The following DST variants were observed in gnomAD, a reference collection of about 807,000 sequenced individuals.
The protein encoded by DST is bullous pemphigoid antigen.
DST carries 253 observed loss-of-function variants against 875.2 expected under a neutral mutation model. The observed-to-expected ratio is 0.29, with a 90% confidence interval of 0.26 to 0.32. The LOEUF (loss-of-function observed/expected upper bound fraction) is 0.32, where lower values mean the gene tolerates loss of function less well. Among genes scored for constraint, DST ranks in the 10% least tolerant of loss-of-function variants. The pLI is 1.00. For missense variants in DST, 8,287 were observed against 9,111.6 expected (o/e 0.91, Z 3.68); for synonymous variants, 3,124 against 3,197.1 (o/e 0.98, Z 0.77).
At chr6:56,882,632 A>T (rs1782752863) in intron 3 of DST, among the ~76,000 whole-genome samples, 1 of 152,266 alleles carries the variant, frequency 6.6e-6, no homozygotes, top group Admixed American at 6.5e-5. Flanking sequence ...AGAGAGTCAC[A>T]TAATGGCATG....
intron 2 of DST, among the ~76,000 whole-genome samples, chr6:56,902,697 C>T (rs896992889): frequency 1.3e-5 from 2 of 152,206 alleles, no homozygotes; most frequent in African/African-American, 2.4e-5. Flanking sequence ...AGCTGGTCCT[C>T]TTCAACCGAA....
At chr6:56,817,682 A>G (rs1443518737) in intron 4 of DST, among the ~76,000 whole-genome samples, 4 of 152,170 alleles carry the variant, frequency 2.6e-5, no homozygotes, top group Non-Finnish European at 4.4e-5. Context: ...TGATTTCTCT[A>G]AAGGTTGCAG....
intron 74 of DST, among the ~76,000 whole-genome samples, chr6:56,509,427 T>C (rs1037732609): frequency 6.6e-6 from 1 of 152,206 alleles, no homozygotes. Flanking sequence ...ACATGGTCTA[T>C]GTATAATGGC....
chr6:56,908,098 T>TATATATATATATATATACACACACACAC (rs148958146), intron 2 of DST, among the ~76,000 whole-genome samples: 7 of 150,614 alleles, frequency 4.6e-5, no homozygotes, highest in African/African-American at 1.7e-4. Flanking sequence ...TATATATATA[T>TATATATATATATATATACACACACACAC]ACACACACAC....
chr6:56,801,171 T>C (rs993404095), intron 4 of DST, among the ~76,000 whole-genome samples: 1 of 152,210 alleles, frequency 6.6e-6, no homozygotes, highest in Non-Finnish European at 1.5e-5. Flanking sequence ...ACTCCAGATT[T>C]TATATGGATT....
At chr6:56,703,797 C>A (rs1368128953) in intron 6 of DST, 51 bp from the exon 7 acceptor site, 1 of 664,662 alleles carries the variant, frequency 1.5e-6, no homozygotes, top group African/African-American at 2.0e-5. Flanking sequence ...CAAGACAGAC[C>A]AGAAATGAAA....
rs774799170 is a variant in DST, at chr6:56,463,060, C to T, written c.23056G>A (p.Val7686Met). ...CCTTACAATACCTCTGCAGATGGCA[C>T]GGGAAAGTCTGAGCACTCTGCTGCT... Reference protein sequence around the residue: ...CKAAECSDFPVPSAEGTPIQG... With the variant: ...CKAAECSDFPMPSAEGTPIQG... Residue 7686 changes from valine (V) to methionine (M), a missense_variant, in exon 102 of 104, where the codon GTG becomes ATG. Val to Met is a conservative substitution (Grantham distance 21). Transcript: ENST00000680361. 1.6e-5 allele frequency: 26 copies of T among 1,609,584 alleles called. No homozygotes were observed. The highest frequency in any genetic ancestry group is 6.6e-5 in the South Asian group (6 of 90,518).
intron 5 of DST, among the ~76,000 whole-genome samples, chr6:56,706,998 CT>C (rs2099343702): frequency 1.3e-5 from 2 of 152,176 alleles, no homozygotes; most frequent in South Asian, 4.1e-4. Flanking sequence ...GAGTGAGATT[CT>C]GTCTCAAAAA....
At chr6:56,818,676 A>G (rs2099769532) in intron 4 of DST, among the ~76,000 whole-genome samples, 1 of 152,200 alleles carries the variant, frequency 6.6e-6, no homozygotes, top group Non-Finnish European at 1.5e-5. Flanking sequence ...TAAAATTCAG[A>G]GTAATATAAC....
intron 36 of DST, chr6:56,618,849 CTATGGTCTTT>C: frequency 6.2e-7 from 1 of 1,614,116 alleles, no homozygotes; most frequent in East Asian, 2.2e-5. Context: ...ATCTGCTCCT[CTATGGTCTTT>C]AAGTGTAATT....
In DST at chr6:56,593,753, G is replaced by A. The variant is rs74609186; in HGVS notation, c.12636C>T (p.Asp4212=). Residue 4212 remains aspartate (D), a synonymous_variant, in exon 48 of 104, where the codon GAC becomes GAT. Transcript: ENST00000680361. The part of the protein sequence containing the change: ...LEAAKSCSKR[D]GGKVDTSATH... ...TTGCAGAAGTATCAACCTTGCCACCGTCTCTCTTGCTGCAAGATTTGGCAG... is the reference window on the plus strand; with the variant it reads ...TTGCAGAAGTATCAACCTTGCCACCATCTCTCTTGCTGCAAGATTTGGCAG... The A allele has an allele frequency of 8.4e-4, 1,352 of 1,613,808 alleles. 19 individuals carry two copies. The East Asian group carries it at 0.026, about 31-fold the overall frequency.
In DST at chr6:56,460,152, T is replaced by C. The variant is rs2152370299; in HGVS notation, c.23173A>G (p.Arg7725Gly). The C allele has an allele frequency of 6.2e-7, 1 of 1,613,666 alleles. No homozygotes were observed. Among genetic ancestry groups the C allele is most frequent in the Non-Finnish European group, 8.5e-7 (1 of 1,179,606 alleles). ...TCACCAGCAAACTGTGTTCGGACTC[T>C]GGCAGCTGCAGTTGTTATCAAGCCA... ...DSGLITTAAA[R>G]VRTQFADSKK... is the part of the protein sequence containing the mutation. Residue 7725 changes from arginine to glycine, a missense_variant, in exon 103 of 104, where the codon AGA becomes GGA. Physicochemically the swap from Arg to Gly is moderately radical, Grantham distance 125. Transcript: ENST00000680361.
chr6:56,880,054 G>A (rs1180058121), intron 3 of DST, among the ~76,000 whole-genome samples: 2 of 152,234 alleles, frequency 1.3e-5, no homozygotes, highest in Non-Finnish European at 2.9e-5. Context: ...AGAGTATCCA[G>A]AAAGGTACTT....
intron 61 of DST, among the ~76,000 whole-genome samples, chr6:56,548,684 A>G (rs1181477518): frequency 6.6e-6 from 1 of 152,184 alleles, no homozygotes; most frequent in Non-Finnish European, 1.5e-5. Context: ...CCACCAATTT[A>G]TAACAGTGTG....
chr6:56,464,017 C>A, intron 100 of DST: 1 of 555,166 alleles, frequency 1.8e-6, no homozygotes, highest in Non-Finnish European at 3.3e-6. Flanking sequence ...TAGACACCAG[C>A]AAGAATAACC....
chr6:56,546,636 T>C (rs1219042865), intron 61 of DST, among the ~76,000 whole-genome samples: 1 of 151,848 alleles, frequency 6.6e-6, no homozygotes, highest in Non-Finnish European at 1.5e-5. Flanking sequence ...TCCAGACACT[T>C]TTCACTTAAA....
intron 4 of DST, among the ~76,000 whole-genome samples, chr6:56,744,688 C>T (rs1166264139): frequency 6.6e-6 from 1 of 152,120 alleles, no homozygotes; most frequent in East Asian, 1.9e-4. Context: ...CATCTCAAAC[C>T]ACCTGTGAGC....
At chr6:56,759,980 T>C (rs1219450402) in intron 4 of DST, among the ~76,000 whole-genome samples, 1 of 152,212 alleles carries the variant, frequency 6.6e-6, no homozygotes, top group Non-Finnish European at 1.5e-5. Context: ...CCTTTTATTT[T>C]TTAAATTAAC....
chr6:56,770,320 T>C (rs1266853192), intron 4 of DST, among the ~76,000 whole-genome samples: 1 of 152,222 alleles, frequency 6.6e-6, no homozygotes, highest in African/African-American at 2.4e-5. Flanking sequence ...CCTCATGGTA[T>C]TGGTGTTACG....
Sources: allele counts gnomAD v4.1 joint callset (sites outside exome capture counted in the v4.1 genomes callset), GRCh38; gene constraint gnomAD v4.1.1; transcripts MANE v1.5; gene names NCBI Gene and HGNC (gene_info 2026-07-23, HGNC 2026-07-21).